FAM20A: variants seen among roughly 807,000 people sequenced by gnomAD.
FAM20A encodes the protein FAM20A golgi associated secretory pathway pseudokinase, also known as pseudokinase FAM20A.
FAM20A carries 42 observed loss-of-function variants against 52.0 expected under a neutral mutation model. The observed-to-expected ratio is 0.81, with a 90% CI of 0.63 to 1.04. FAM20A has a LOEUF of 1.04. FAM20A is among the 50% of genes least tolerant of loss of function. FAM20A has a pLI of 0.00. For missense variants in FAM20A, 742 were observed against 712.7 expected, an observed-to-expected ratio of 1.04 and a Z score of -0.47; for synonymous variants, 304 against 298.9, an observed-to-expected ratio of 1.02 and a Z score of -0.18.
chr17:68,589,293 C>G (rs1035953799), intron 1 of FAM20A, among the ~76,000 whole-genome samples: 1 of 152,190 alleles, frequency 6.6e-6, no homozygotes, highest in Non-Finnish European at 1.5e-5. Flanking sequence ...TAGCTGACTA[C>G]AGACACCTGA....
intron 1 of FAM20A, among the ~76,000 whole-genome samples, chr17:68,599,824 C>T (rs1332051768): frequency 1.3e-5 from 2 of 152,160 alleles, no homozygotes; most frequent in African/African-American, 4.8e-5. Flanking sequence ...CAGTTAAGTG[C>T]TGAATTTCAA....
At chr17:68,550,924 C>T (rs2086806752) in intron 4 of FAM20A, among the ~76,000 whole-genome samples, 1 of 151,900 alleles carries the variant, frequency 6.6e-6, no homozygotes, top group African/African-American at 2.4e-5. Flanking sequence ...TAGGCCCTGC[C>T]CTTAGAACCA....
chr17:68,599,109 C>T (rs962024186), intron 1 of FAM20A, among the ~76,000 whole-genome samples: 3 of 151,960 alleles, frequency 2.0e-5, no homozygotes, highest in African/African-American at 7.3e-5. Flanking sequence ...GCAAAAATTT[C>T]TGAAGGTTTT....
At chr17:68,539,120 A>G (rs1200141779) in intron 10 of FAM20A, among the ~76,000 whole-genome samples, 8 of 152,160 alleles carry the variant, frequency 5.3e-5, no homozygotes, top group Admixed American at 4.6e-4. Flanking sequence ...AAAATACCAT[A>G]TTATTAATCT....
intron 10 of FAM20A, among the ~76,000 whole-genome samples, 197 bp downstream of exon 10, chr17:68,539,140 A>G (rs2086184382): frequency 1.3e-5 from 2 of 152,188 alleles, no homozygotes; most frequent in Admixed American, 1.3e-4. Context: ...TTATGAGACC[A>G]CCGTCATATA....
chr17:68,589,205 G>A (rs995168333), intron 1 of FAM20A, among the ~76,000 whole-genome samples: 1 of 152,304 alleles, frequency 6.6e-6, no homozygotes, highest in Non-Finnish European at 1.5e-5. Flanking sequence ...TGGAGGCCAC[G>A]TGGAGCCAAG....
At position 68,536,006 on chromosome 17, in the gene FAM20A, C is replaced by A. The variant is rs1297270053; in HGVS notation, c.*1471G>T. 1 of 453,950 alleles carries A rather than the reference C, an allele frequency of 2.2e-6. No homozygotes were observed. Among genetic ancestry groups the A allele is most frequent in the African/African-American group, 2.0e-5 (1 of 49,980 alleles). 28.1% of individuals were successfully genotyped at this position (453,950 alleles called of 1,614,324 possible). On this transcript the variant is annotated 3_prime_UTR_variant, in exon 11 of 11. Transcript: ENST00000592554. ...TATCTGTGTTTGAGAGGATTGGAAA[C>A]CTGTGTGTTGCTTCTGTAGCGTTGG...
intron 1 of FAM20A, among the ~76,000 whole-genome samples, chr17:68,583,763 C>T (rs1209490935): frequency 6.6e-6 from 1 of 151,878 alleles, no homozygotes; most frequent in Non-Finnish European, 1.5e-5. Flanking sequence ...GTTAGCCGGG[C>T]GTGGTGGTGC....
chr17:68,593,311 G>T (rs2143926281), intron 1 of FAM20A, among the ~76,000 whole-genome samples: 1 of 152,358 alleles, frequency 6.6e-6, no homozygotes, highest in Middle Eastern at 3.4e-3. Flanking sequence ...TGCCAAGGGG[G>T]CAGAGCAGGG....
intron 1 of FAM20A, among the ~76,000 whole-genome samples, chr17:68,571,929 C>G (rs957778194): frequency 7.2e-6 from 1 of 139,002 alleles, no homozygotes; most frequent in African/African-American, 2.7e-5. Flanking sequence ...AGATATCAAA[C>G]TTATGTAGAA....
At chr17:68,550,939 C>T (rs952701289) in intron 4 of FAM20A, 1 of 579,622 alleles carries the variant, frequency 1.7e-6, no homozygotes, top group Non-Finnish European at 2.5e-6. Context: ...GAACCATCTA[C>T]TGGGGCTCTC....
intron 1 of FAM20A, among the ~76,000 whole-genome samples, chr17:68,570,043 C>T (rs2087496116): frequency 1.3e-5 from 2 of 152,142 alleles, no homozygotes; most frequent in Admixed American, 6.5e-5. Context: ...CCCTTGAATC[C>T]TTAGCATCCT....
intron 1 of FAM20A, among the ~76,000 whole-genome samples, chr17:68,577,728 G>A (rs1037351267): frequency 6.6e-6 from 1 of 152,224 alleles, no homozygotes; most frequent in Admixed American, 6.5e-5. Flanking sequence ...CCATAGACGC[G>A]TAAAAGCCTT....
chr17:68,542,208 T>C (rs1016110739), intron 6 of FAM20A, 43 bp from the exon 7 acceptor site: 10 of 1,606,472 alleles, frequency 6.2e-6, no homozygotes, highest in Middle Eastern at 1.6e-4. Context: ...TGGAGGGCTC[T>C]GGAGGCATGA....
intron 1 of FAM20A, among the ~76,000 whole-genome samples, chr17:68,588,459 C>T (rs1399312656): frequency 6.6e-6 from 1 of 152,206 alleles, no homozygotes; most frequent in Non-Finnish European, 1.5e-5. Context: ...TTTTAGTTTT[C>T]TAGGGATGCC....
chr17:68,594,519 C>T (rs1428192801), intron 1 of FAM20A, among the ~76,000 whole-genome samples: 1 of 152,198 alleles, frequency 6.6e-6, no homozygotes, highest in African/African-American at 2.4e-5. Context: ...GGTCAGATGT[C>T]CAGCTTGGTG....
At chr17:68,598,065 A>G (rs1379287948) in intron 1 of FAM20A, 1 of 142,246 alleles carries the variant, frequency 7.0e-6, no homozygotes, top group Non-Finnish European at 1.5e-5. Context: ...GTGCAGTGGC[A>G]CAGTCATGGC....
intron 1 of FAM20A, among the ~76,000 whole-genome samples, chr17:68,561,591 CTTTTTTT>C (rs5821662): frequency 7.8e-6 from 1 of 128,948 alleles, no homozygotes. Context: ...TTTGATTGCT[CTTTTTTT>C]TTTTTTTTTT....
At chr17:68,574,428 C>G (rs918451295) in intron 1 of FAM20A, among the ~76,000 whole-genome samples, 1 of 152,180 alleles carries the variant, frequency 6.6e-6, no homozygotes, top group Non-Finnish European at 1.5e-5. Context: ...ACCCGTTAAT[C>G]TGTTAATCCA....
Sources: gnomAD v4.1 joint callset for allele counts (sites outside exome capture counted in the v4.1 genomes callset) on GRCh38, gnomAD v4.1.1 for gene constraint, MANE v1.5 for transcripts, NCBI Gene and HGNC (gene_info 2026-07-23, HGNC 2026-07-21) for gene names.